Variants in EML6 observed in about 807,000 individuals in gnomAD.
The protein encoded by EML6 is EMAP like 6, also known as echinoderm microtubule-associated protein-like 6.
EML6 carries 154 observed loss-of-function variants against 240.1 expected under a neutral mutation model. The observed-to-expected ratio is 0.64, with a 90% CI of 0.56 to 0.73. The LOEUF is 0.73. Among genes scored for constraint, EML6 ranks in the 30% least tolerant of loss-of-function variants. The pLI, the probability that EML6 is intolerant of heterozygous loss-of-function variation, is 0.00. For missense variants in EML6, 2,964 were observed against 2,474.6 expected (o/e 1.20, Z -4.20); for synonymous variants, 1,148 against 899.0 (o/e 1.28, Z -4.95).
chr2:54,928,868 C>A, intron 28 of EML6, 117 bp downstream of exon 28: 1 of 1,224,926 alleles, frequency 8.2e-7, no homozygotes, highest in Non-Finnish European at 1.2e-6. Flanking sequence ...TTTTATAAAT[C>A]TTCACAGAGT....
Position 54,971,919 on chromosome 2 carries a change from T to C in EML6, c.*1824T>C, listed in dbSNP as rs1677038767. 1 of 152,258 alleles carries C rather than the reference T, an allele frequency of 6.6e-6. No homozygotes were observed. Among genetic ancestry groups the C allele is most frequent in the Non-Finnish European group, 1.5e-5 (1 of 68,048 alleles). 9.4% of individuals were successfully genotyped at this position (152,258 alleles called of 1,614,324 possible). A position where few individuals can be genotyped will look rare whatever the true frequency, so the allele number is the denominator to read the frequency against. On this transcript the variant is annotated 3_prime_UTR_variant, in exon 42 of 42. Transcript: ENST00000356458. Reference sequence around the variant, plus strand: ...ATGTATGTTCATAAATCCTGCACTGTATGATATATGTGAGTTAAAACATTG... The same window carrying C: ...ATGTATGTTCATAAATCCTGCACTGCATGATATATGTGAGTTAAAACATTG...
At chr2:54,939,055 T>C (rs1675293808) in intron 28 of EML6, among the ~76,000 whole-genome samples, 1 of 152,228 alleles carries the variant, frequency 6.6e-6, no homozygotes, top group Non-Finnish European at 1.5e-5. Flanking sequence ...ATGCTGGCAC[T>C]TAGTAAATGT....
chr2:54,969,616 G>A (rs1174134322), intron 41 of EML6, among the ~76,000 whole-genome samples: 2 of 152,210 alleles, frequency 1.3e-5, no homozygotes, highest in African/African-American at 4.8e-5. Context: ...TCACCCCAAT[G>A]CAGGGGATAC....
At position 54,846,070 on chromosome 2, in the gene EML6, C is replaced by T. The variant is rs888254601; in HGVS notation, c.1050-1416C>T. On this transcript the variant is annotated intron_variant, in intron 8 of 41. Transcript: ENST00000356458. ...GGTGTTGTGGGGATGGGAATGTTTGCTGAAAGCTTTGTTTGAGCTGCAATT... is the reference window on the plus strand; with the variant it reads ...GGTGTTGTGGGGATGGGAATGTTTGTTGAAAGCTTTGTTTGAGCTGCAATT... 5.3e-5 allele frequency among the ~76,000 whole-genome samples: 8 copies of T among 152,240 alleles called. No homozygotes were observed. The East Asian group carries it at 1.4e-3, about 26-fold the overall frequency.
chr2:54,813,716 G>A (rs975046470), intron 3 of EML6, among the ~76,000 whole-genome samples: 3 of 152,082 alleles, frequency 2.0e-5, no homozygotes, highest in Non-Finnish European at 4.4e-5. Context: ...TTGGAGTAAG[G>A]GCTAGACCAA....
At chr2:54,820,644 A>T (rs1378559763) in intron 5 of EML6, among the ~76,000 whole-genome samples, 182 bp downstream of exon 5, 1 of 152,166 alleles carries the variant, frequency 6.6e-6, no homozygotes, top group Non-Finnish European at 1.5e-5. Flanking sequence ...TCTCTCTTAG[A>T]AATGCAAAGT....
Position 54,948,852 on chromosome 2 carries a change from T to C in EML6, c.4005-30T>C, listed in dbSNP as rs138079617. 1,497 of 1,533,860 alleles carry C rather than the reference T, an allele frequency of 9.8e-4. 23 individuals carry two copies. The African/African-American group carries it at 0.018, about 19-fold the overall frequency. On this transcript the variant is annotated intron_variant, in intron 28 of 41. Transcript: ENST00000356458. ...CAGCCTTGCAGCCCTTGTTCAATGC[T>C]GTGCTTCCTCTGGCCGCTCTCTCTT... is the stretch of plus-strand genomic sequence containing the variant.
intron 2 of EML6, among the ~76,000 whole-genome samples, chr2:54,741,191 C>A (rs1683613159): frequency 6.6e-6 from 1 of 152,140 alleles, no homozygotes; most frequent in Non-Finnish European, 1.5e-5. Flanking sequence ...GCCTCTCTAT[C>A]TTACTGCTTC....
intron 30 of EML6, 47 bp from the exon 31 acceptor site, chr2:54,952,547 G>T (rs1280513072): frequency 2.4e-6 from 3 of 1,271,770 alleles, no homozygotes; most frequent in Admixed American, 2.1e-5. Context: ...TGCCCTAAAA[G>T]GTCTTTAGGT....
chr2:54,901,808 G>A (rs1673070644), intron 22 of EML6, among the ~76,000 whole-genome samples: 2 of 152,214 alleles, frequency 1.3e-5, no homozygotes, highest in Non-Finnish European at 2.9e-5. Flanking sequence ...TCCTATCCCT[G>A]GGGTGTGCTT....
At chr2:54,956,461 C>A (rs1472188421) in intron 32 of EML6, among the ~76,000 whole-genome samples, 7 of 152,184 alleles carry the variant, frequency 4.6e-5, no homozygotes. Context: ...TCCTCTGAAT[C>A]TTATAAGCAT....
chr2:54,737,791 A>G (rs1683462953), intron 2 of EML6, among the ~76,000 whole-genome samples: 1 of 152,184 alleles, frequency 6.6e-6, no homozygotes, highest in Non-Finnish European at 1.5e-5. Flanking sequence ...TCAGAGGAAA[A>G]GCCAGAGTCC....
intron 2 of EML6, among the ~76,000 whole-genome samples, chr2:54,738,214 A>G (rs1302399482): frequency 6.6e-6 from 1 of 152,158 alleles, no homozygotes; most frequent in African/African-American, 2.4e-5. Context: ...CAGTTCTCAT[A>G]ATGGAGCCTG....
intron 28 of EML6, among the ~76,000 whole-genome samples, chr2:54,943,107 G>C (rs945709187): frequency 1.3e-5 from 2 of 152,148 alleles, no homozygotes; most frequent in African/African-American, 4.8e-5. Flanking sequence ...CTTCTCAGCA[G>C]TCATCCAGGT....
At chr2:54,848,045 T>C (rs1669866155) in intron 9 of EML6, among the ~76,000 whole-genome samples, 1 of 141,752 alleles carries the variant, frequency 7.1e-6, no homozygotes, top group African/African-American at 2.7e-5. Flanking sequence ...GGGTTTTGGA[T>C]AAAAGATTGT....
Position 54,950,790 on chromosome 2 carries a change from G to A in EML6, c.4213+11G>A, listed in dbSNP as rs1558718972. ...AGAACCTCTCCACAGGTAACCGGGG[G>A]TTAAAAAATACAGGTTTTTCTTTTA... On this transcript the variant is annotated intron_variant, in intron 30 of 41. Transcript: ENST00000356458. 1.9e-6 allele frequency: 3 copies of A among 1,544,650 alleles called. No individual in the cohort carries two copies. The highest frequency in any genetic ancestry group is 4.9e-5 in the East Asian group (2 of 40,784).
intron 2 of EML6, among the ~76,000 whole-genome samples, chr2:54,761,338 A>T (rs1450113731): frequency 6.6e-6 from 1 of 152,178 alleles, no homozygotes; most frequent in South Asian, 2.1e-4. Flanking sequence ...AAAAAAGCAT[A>T]AATGAAGGTG....
chr2:54,953,386 G>T (rs1219220901), intron 31 of EML6, among the ~76,000 whole-genome samples: 1 of 152,178 alleles, frequency 6.6e-6, no homozygotes, highest in African/African-American at 2.4e-5. Context: ...CATGTTTGCT[G>T]ATTGTATCTT....
intron 2 of EML6, among the ~76,000 whole-genome samples, chr2:54,807,268 A>G (rs1425767300): frequency 1.3e-5 from 2 of 152,324 alleles, no homozygotes; most frequent in African/African-American, 4.8e-5. Flanking sequence ...AAGTTCCAAT[A>G]TGTATATGTT....
Sources: allele counts gnomAD v4.1 joint callset (sites outside exome capture counted in the v4.1 genomes callset), GRCh38; gene constraint gnomAD v4.1.1; transcripts MANE v1.5; gene names NCBI Gene and HGNC (gene_info 2026-07-23, HGNC 2026-07-21).